Variants in SVEP1 observed in about 807,000 individuals in gnomAD.
SVEP1 encodes the protein sushi, von Willebrand factor type A, EGF and pentraxin domain-containing protein 1.
SVEP1 carries 164 observed loss-of-function variants against 367.3 expected under a neutral mutation model. That is an observed-to-expected ratio of 0.45 (90% CI 0.39 to 0.51). The LOEUF (loss-of-function observed/expected upper bound fraction) is 0.51. SVEP1 is among the 20% of genes least tolerant of loss of function. The pLI, the probability that SVEP1 is intolerant of heterozygous loss-of-function variation, is 0.00. For missense variants in SVEP1, 4,117 were observed against 4,425.3 expected (o/e 0.93, Z 1.98); for synonymous variants, 1,666 against 1,611.6 (o/e 1.03, Z -0.81).
chr9:110,471,831 A>G (rs1402730428), intron 15 of SVEP1, among the ~76,000 whole-genome samples: 2 of 152,348 alleles, frequency 1.3e-5, no homozygotes, highest in Middle Eastern at 3.4e-3. Flanking sequence ...AATTTGTTTC[A>G]GTCCTCTCAG....
chr9:110,384,357 G>GCCTA (rs1827488434), intron 43 of SVEP1, among the ~76,000 whole-genome samples: 1 of 151,898 alleles, frequency 6.6e-6, no homozygotes, highest in South Asian at 2.1e-4. Context: ...TGCGCCAACT[G>GCCTA]CCTAGTCAGT....
Position 110,375,482 on chromosome 9 carries a change from A to AC in SVEP1, c.10505-20_10505-19insG. Reference sequence around the variant, plus strand: ...CAGATTGCTAAAAAAAAAAAAAAAAAAAAAAAAAGGAGGCAGGGGGGATTG... The same window carrying AC: ...CAGATTGCTAAAAAAAAAAAAAAAAACAAAAAAAAGGAGGCAGGGGGGATTG... On this transcript the variant is annotated intron_variant, in intron 45 of 47. Coordinates refer to ENST00000374469, the MANE Select transcript of SVEP1 (RefSeq NM_153366.4). The AC allele has an allele frequency of 6.6e-7, 1 of 1,513,070 alleles. No homozygotes were observed. The highest frequency in any genetic ancestry group is 8.9e-7 in the Non-Finnish European group (1 of 1,126,474). 93.7% of individuals were successfully genotyped at this position (1,513,070 alleles called of 1,614,324 possible). A position where few individuals can be genotyped will look rare whatever the true frequency, so the allele number is the denominator to read the frequency against.
rs746607313 is a variant in SVEP1, at chr9:110,465,956, A to G, written c.3231T>C (p.Tyr1077=). Residue 1077 remains tyrosine (Y), a synonymous_variant, in exon 18 of 48, where the codon TAT becomes TAC. Coordinates refer to ENST00000374469, the MANE Select transcript of SVEP1 (RefSeq NM_153366.4). ...AGCTCCGGGAACCAAATTTTGGCTG[A>G]TAAGTGCCCAGTGGACACGATTCAC... ...ETCESCPLGT[Y]QPKFGSRSCL... 3 of 1,613,160 alleles carry G rather than the reference A, an allele frequency of 1.9e-6. No homozygotes were observed. Among genetic ancestry groups the G allele is most frequent in the Non-Finnish European group, 2.5e-6 (3 of 1,179,620 alleles).
At chr9:110,427,999 A>T (rs1564139797) in intron 35 of SVEP1, among the ~76,000 whole-genome samples, 1 of 152,192 alleles carries the variant, frequency 6.6e-6, no homozygotes. Context: ...TGCATAGTAA[A>T]ATATTGAATC....
intron 43 of SVEP1, among the ~76,000 whole-genome samples, chr9:110,385,510 T>G (rs751073490): frequency 1.3e-5 from 2 of 152,072 alleles, no homozygotes; most frequent in Non-Finnish European, 1.5e-5. Context: ...GTTCTCTAGG[T>G]GGTTCTGATG....
In SVEP1 at chr9:110,536,898, T is replaced by C. The variant is rs189379268; in HGVS notation, c.964+9217A>G. Among the ~76,000 whole-genome samples, 231 of 152,076 alleles carry C rather than the reference T, an allele frequency of 1.5e-3. 1 individual carries two copies. The highest frequency in any genetic ancestry group is 9.8e-3 in the East Asian group (51 of 5,178). ...ACAGCATATCTCCAGAACTTATTCATCTTGCATAACTAAAACTAACAGATA... is the reference window on the plus strand; with the variant it reads ...ACAGCATATCTCCAGAACTTATTCACCTTGCATAACTAAAACTAACAGATA... On this transcript the variant is annotated intron_variant, in intron 3 of 47. Transcript: ENST00000374469.
rs1288144827 is a variant in SVEP1 at position 110,443,610 on chromosome 9, T to C, written c.4574A>G (p.Lys1525Arg). 6.2e-7 allele frequency: 1 copy of C among 1,613,404 alleles called. No homozygotes were observed. The highest frequency in any genetic ancestry group is 1.7e-5 in the Admixed American group (1 of 59,920). ...ITWTSANGIW[K>R]VYIDGKLSDG... ...AGATAATTTCCCATCGATATAGACT[T>C]TCCAGATGCCATTGGCACTTGTCCA... Residue 1525 changes from lysine to arginine, a missense_variant, in exon 27 of 48, where the codon AAA (lysine) becomes AGA (arginine). Lys to Arg is a conservative substitution (Grantham distance 26). This residue lies in a region of SVEP1 where 2,174 missense variants were observed against 2,494.3 expected (regional missense o/e 0.87). Coordinates refer to ENST00000374469, the MANE Select transcript of SVEP1 (RefSeq NM_153366.4).
At position 110,408,950 on chromosome 9, in the gene SVEP1, T is replaced by C. The variant is rs771499445; in HGVS notation, c.6650A>G (p.His2217Arg). 1.2e-5 allele frequency: 19 copies of C among 1,570,434 alleles called. No homozygotes were observed. The highest frequency in any genetic ancestry group is 9.2e-5 in the Admixed American group (5 of 54,492). ...ACTCTCAAAGATCCTGCCAGTTGTA[T>C]GCTGTGCAACAGGAAGAAAGCAAGT... is the stretch of plus-strand genomic sequence containing the variant. Reference protein sequence around the residue: ...PPKVENGFLEHTTGRIFESEV... With the variant: ...PPKVENGFLERTTGRIFESEV... The change falls in exon 38 of 48, where the codon CAT becomes CGT. Residue 2217 changes from histidine (H) to arginine (R), a missense_variant and splice_region_variant. Coordinates refer to ENST00000374469, the MANE Select transcript of SVEP1 (RefSeq NM_153366.4).
chr9:110,516,816 A>G (rs1386676837), intron 3 of SVEP1, among the ~76,000 whole-genome samples: 1 of 152,232 alleles, frequency 6.6e-6, no homozygotes, highest in Non-Finnish European at 1.5e-5. Context: ...TAATGCAAAG[A>G]TATGAGAAGT....
At chr9:110,392,352 C>T (rs910835987) in intron 40 of SVEP1, among the ~76,000 whole-genome samples, 1 of 152,002 alleles carries the variant, frequency 6.6e-6, no homozygotes, top group African/African-American at 2.4e-5. Context: ...ACTTGCTTCA[C>T]TGTGGTGTCT....
Position 110,469,042 on chromosome 9 carries a change from T to C in SVEP1, c.3058A>G (p.Ile1020Val), listed in dbSNP as rs578061547. 2.7e-5 allele frequency: 43 copies of C among 1,613,934 alleles called. No homozygotes were observed. In the East Asian group the frequency reaches 9.6e-4, roughly 36 times the overall value. The change falls in exon 17 of 48, where the codon ATC becomes GTC. Residue 1020 changes from isoleucine (I) to valine (V), a missense_variant. By Grantham distance (29) the Ile-to-Val change is conservative. Around this residue, in one of 4 missense-constraint regions of SVEP1, gnomAD observed 2,174 missense variants for 2,494.3 expected, o/e 0.87. Transcript: ENST00000374469. ...LEHFTCESCR[I>V]GSYQDEEGQL... ...CCTTCTTCATCTTGATAGGATCCGATCCGGCAGCTTTCACAGGTGAAATGT... is the reference window on the plus strand; with the variant it reads ...CCTTCTTCATCTTGATAGGATCCGACCCGGCAGCTTTCACAGGTGAAATGT...
chr9:110,546,395 A>G (rs1830221521), intron 2 of SVEP1, 104 bp from the exon 3 acceptor site: 1 of 1,284,814 alleles, frequency 7.8e-7, no homozygotes, highest in Non-Finnish European at 1.1e-6. Context: ...ATATCTTTCC[A>G]TATCCCTCTA....
Position 110,406,561 on chromosome 9 carries a change from T to A in SVEP1, c.9039A>T (p.Glu3013Asp), listed in dbSNP as rs199902821. ...LPCRCSTPVI[E>D]YGTVNGTDFD... ...AATCTGTCCCATTGACAGTTCCATA[T>A]TCAATTACTGGTGTGGAACATCTGC... is the stretch of plus-strand genomic sequence containing the variant. The change falls in exon 38 of 48, where the codon GAA (glutamate) becomes GAT (aspartate). Residue 3013 changes from glutamate (E) to aspartate (D), a missense_variant. Physicochemically the swap from Glu to Asp is conservative, Grantham distance 45. Transcript: ENST00000374469. 4 of 1,613,676 alleles carry A rather than the reference T, an allele frequency of 2.5e-6. No individual in the cohort carries two copies. Among genetic ancestry groups the A allele is most frequent in the Non-Finnish European group, 3.4e-6 (4 of 1,179,760 alleles).
intron 8 of SVEP1, among the ~76,000 whole-genome samples, chr9:110,490,901 T>G (rs984400112): frequency 1.3e-5 from 2 of 152,012 alleles, no homozygotes; most frequent in African/African-American, 4.8e-5. Flanking sequence ...TCTTCATCCA[T>G]TGAAAATTGA....
chr9:110,446,400 G>A (rs778039672), intron 25 of SVEP1, among the ~76,000 whole-genome samples: 1 of 152,158 alleles, frequency 6.6e-6, no homozygotes, highest in East Asian at 1.9e-4. Context: ...GAGAGAAGGA[G>A]GAGGTGCTGC....
intron 3 of SVEP1, among the ~76,000 whole-genome samples, chr9:110,516,557 C>A (rs900091287): frequency 6.7e-6 from 1 of 150,078 alleles, no homozygotes; most frequent in African/African-American, 2.5e-5. Context: ...TGTAATATTT[C>A]TTTCTATAAA....
intron 40 of SVEP1, among the ~76,000 whole-genome samples, chr9:110,394,412 C>T (rs904832208): frequency 2.0e-5 from 3 of 152,112 alleles, no homozygotes; most frequent in Non-Finnish European, 4.4e-5. Flanking sequence ...AAAAACAGAG[C>T]AGAATAACTG....
chr9:110,465,328 C>T (rs969198450), intron 18 of SVEP1, among the ~76,000 whole-genome samples: 1 of 151,906 alleles, frequency 6.6e-6, no homozygotes, highest in Non-Finnish European at 1.5e-5. Flanking sequence ...TTCCCAGCCT[C>T]TACTCAGACA....
Position 110,406,607 on chromosome 9 carries a change from C to G in SVEP1, c.8993G>C (p.Ser2998Thr). Residue 2998 changes from serine to threonine, a missense_variant, in exon 38 of 48, where the codon AGC becomes ACC. Coordinates refer to ENST00000374469, the MANE Select transcript of SVEP1 (RefSeq NM_153366.4). The part of the protein sequence containing the change: ...RCLSNGSWSG[S>T]SPSCLPCRCS... ...TCTGCAAGGCAGGCAGGAAGGTGAG[C>G]TGCCACTCCAGGAGCCATTGGAGAG... 1 of 1,613,880 alleles carries G rather than the reference C, an allele frequency of 6.2e-7. No homozygotes were observed. The highest frequency in any genetic ancestry group is 8.5e-7 in the Non-Finnish European group (1 of 1,179,866).
Sources: allele counts gnomAD v4.1 joint callset (sites outside exome capture counted in the v4.1 genomes callset), GRCh38; gene constraint gnomAD v4.1.1; regional missense constraint gnomAD v4.1.1; transcripts MANE v1.5; gene names NCBI Gene and HGNC (gene_info 2026-07-23, HGNC 2026-07-21).